Variants in SLC9A9 observed in about 807,000 individuals in gnomAD.
SLC9A9 encodes the protein sodium/hydrogen exchanger 9.
Under a neutral mutation model 77.8 loss-of-function variants are expected in SLC9A9, and 62 were observed. That is an observed-to-expected ratio of 0.80 (90% CI 0.65 to 0.98). The LOEUF is 0.98. Ranked by LOEUF, SLC9A9 falls within the 50% of genes least tolerant of loss-of-function variation. The probability of loss-of-function intolerance (pLI) is 0.00; values close to 1 mark genes in which losing one functional copy is unlikely to be tolerated. For missense variants in SLC9A9, 775 were observed against 774.9 expected, an observed-to-expected ratio of 1.00 and a Z score of 0.00; for synonymous variants, 320 against 283.5, an observed-to-expected ratio of 1.13 and a Z score of -1.29.
chr3:143,808,959 A>C (rs2008794552), intron 2 of SLC9A9, among the ~76,000 whole-genome samples: 1 of 152,222 alleles, frequency 6.6e-6, no homozygotes, highest in South Asian at 2.1e-4. Context: ...AAACTCCTAA[A>C]GGTTACACAA....
At chr3:143,491,448 G>A (rs60849188) in intron 11 of SLC9A9, among the ~76,000 whole-genome samples, 3,917 of 152,172 alleles carry the variant, frequency 0.026, 169 homozygotes, top group African/African-American at 0.089. Flanking sequence ...AATGGGTTGG[G>A]ATGAGTTCCA....
chr3:143,474,051 G>A (rs1300935720), intron 11 of SLC9A9, among the ~76,000 whole-genome samples: 2 of 152,170 alleles, frequency 1.3e-5, no homozygotes, highest in Non-Finnish European at 2.9e-5. Context: ...AGCCTCTCTG[G>A]TTAGGTGACA....
chr3:143,408,330 G>T (rs2034023783), intron 12 of SLC9A9, among the ~76,000 whole-genome samples: 2 of 152,162 alleles, frequency 1.3e-5, no homozygotes, highest in Non-Finnish European at 2.9e-5. Flanking sequence ...GCATATTGGG[G>T]CTCTGAAGCC....
intron 6 of SLC9A9, among the ~76,000 whole-genome samples, chr3:143,601,239 A>T (rs2037840713): frequency 6.6e-6 from 1 of 152,186 alleles, no homozygotes; most frequent in Non-Finnish European, 1.5e-5. Context: ...TGAATATGAC[A>T]TGGAAGGACT....
chr3:143,444,306 C>T (rs1018419744), intron 12 of SLC9A9, among the ~76,000 whole-genome samples: 33 of 152,160 alleles, frequency 2.2e-4, no homozygotes, highest in African/African-American at 8.0e-4. Flanking sequence ...AAGATTCTAG[C>T]CTCCTATATT....
intron 9 of SLC9A9, among the ~76,000 whole-genome samples, chr3:143,537,932 G>A (rs1352948547): frequency 6.6e-6 from 1 of 152,146 alleles, no homozygotes; most frequent in Admixed American, 6.5e-5. Context: ...ATCTTTTCCT[G>A]TGTCTGACTT....
chr3:143,692,612 T>C (rs1328612127), intron 5 of SLC9A9, among the ~76,000 whole-genome samples: 1 of 152,136 alleles, frequency 6.6e-6, no homozygotes, highest in African/African-American at 2.4e-5. Context: ...TTTAAAAATA[T>C]CTTTAAACAA....
chr3:143,279,584 G>T (rs1049846421), intron 14 of SLC9A9, among the ~76,000 whole-genome samples: 1 of 151,872 alleles, frequency 6.6e-6, no homozygotes, highest in Non-Finnish European at 1.5e-5. Context: ...CACTCAACGG[G>T]CCCCAGTGTG....
chr3:143,747,268 G>A (rs1236124001), intron 4 of SLC9A9, among the ~76,000 whole-genome samples: 1 of 152,126 alleles, frequency 6.6e-6, no homozygotes, highest in Admixed American at 6.5e-5. Context: ...CCTGGGTGTG[G>A]TGGCAGGTGC....
At chr3:143,826,389 A>G (rs1395214392) in intron 2 of SLC9A9, among the ~76,000 whole-genome samples, 2 of 152,122 alleles carry the variant, frequency 1.3e-5, no homozygotes, top group Non-Finnish European at 2.9e-5. Context: ...AGGGTAGCAG[A>G]GGAAGCTGTT....
intron 14 of SLC9A9, among the ~76,000 whole-genome samples, chr3:143,337,296 G>T (rs1576433021): frequency 6.6e-6 from 1 of 152,054 alleles, no homozygotes; most frequent in East Asian, 1.9e-4. Flanking sequence ...ACTGGCCACT[G>T]TGGATTTTCC....
intron 6 of SLC9A9, among the ~76,000 whole-genome samples, chr3:143,605,426 C>G (rs1034309630): frequency 2.0e-5 from 3 of 152,244 alleles, no homozygotes; most frequent in Admixed American, 6.5e-5. Flanking sequence ...ACACACCAAG[C>G]CAGCAGCTAT....
chr3:143,586,310 CA>C (rs1289368644), intron 6 of SLC9A9, among the ~76,000 whole-genome samples: 14 of 152,200 alleles, frequency 9.2e-5, no homozygotes, highest in Non-Finnish European at 1.8e-4. Flanking sequence ...ATCTGGTAAA[CA>C]GGAAAAGATC....
intron 11 of SLC9A9, among the ~76,000 whole-genome samples, chr3:143,471,381 C>T (rs2035375729): frequency 6.6e-6 from 1 of 152,206 alleles, no homozygotes; most frequent in East Asian, 1.9e-4. Flanking sequence ...TGATTACCTC[C>T]TATGTGGAGG....
At chr3:143,293,439 T>C (rs1289643123) in intron 14 of SLC9A9, among the ~76,000 whole-genome samples, 3 of 152,214 alleles carry the variant, frequency 2.0e-5, no homozygotes, top group Non-Finnish European at 4.4e-5. Flanking sequence ...GAACAGAAAT[T>C]TTTGGAAATG....
intron 9 of SLC9A9, among the ~76,000 whole-genome samples, chr3:143,507,667 C>A (rs919298986): frequency 1.3e-5 from 2 of 152,154 alleles, no homozygotes; most frequent in Non-Finnish European, 2.9e-5. Flanking sequence ...TTGTAATTAG[C>A]CTATGCTAAA....
At chr3:143,415,271 C>T (rs1250373167) in intron 12 of SLC9A9, among the ~76,000 whole-genome samples, 1 of 152,196 alleles carries the variant, frequency 6.6e-6, no homozygotes, top group Non-Finnish European at 1.5e-5. Context: ...GGTGGCTACA[C>T]TAAATAACAG....
chr3:143,819,321 T>G (rs1486591395), intron 2 of SLC9A9, among the ~76,000 whole-genome samples: 2 of 152,208 alleles, frequency 1.3e-5, no homozygotes, highest in African/African-American at 4.8e-5. Context: ...ATAGAAACAC[T>G]GTTATTTCAC....
intron 4 of SLC9A9, among the ~76,000 whole-genome samples, chr3:143,750,593 C>T (rs2006668872): frequency 6.6e-6 from 1 of 152,076 alleles, no homozygotes; most frequent in Admixed American, 6.5e-5. Flanking sequence ...AATCTGCCTG[C>T]TGTCCTGTAA....
Sources: gnomAD v4.1 joint callset for allele counts (sites outside exome capture counted in the v4.1 genomes callset) on GRCh38, gnomAD v4.1.1 for gene constraint, MANE v1.5 for transcripts, NCBI Gene and HGNC (gene_info 2026-07-23, HGNC 2026-07-21) for gene names.